Variants in THSD4 observed in about 807,000 individuals in gnomAD.
The protein encoded by THSD4 is thrombospondin type-1 domain-containing protein 4.
In THSD4, 69 loss-of-function variants were observed where a neutral mutation model predicts 119.0. The ratio of observed to expected loss-of-function variants is 0.58; its 90% CI spans 0.48 to 0.71. THSD4 has a LOEUF of 0.71. Among genes scored for constraint, THSD4 ranks in the 30% least tolerant of loss-of-function variants. The pLI is 0.00. For synonymous variants in THSD4, 524 were observed against 540.4 expected, an observed-to-expected ratio of 0.97 and a Z score of 0.42; for missense variants, 1,393 against 1,391.1, an observed-to-expected ratio of 1.00 and a Z score of -0.02.
chr15:71,278,404 T>C (rs1226515982), intron 6 of THSD4, among the ~76,000 whole-genome samples: 1 of 152,166 alleles, frequency 6.6e-6, no homozygotes, highest in African/African-American at 2.4e-5. Flanking sequence ...CAGCTGGTCT[T>C]GAACTCCTAG....
At chr15:71,379,934 GAAT>G (rs1235454050) in intron 6 of THSD4, among the ~76,000 whole-genome samples, 1 of 152,014 alleles carries the variant, frequency 6.6e-6, no homozygotes, top group South Asian at 2.1e-4. Context: ...CTACATGGCT[GAAT>G]AATATTTATG....
intron 7 of THSD4, among the ~76,000 whole-genome samples, chr15:71,414,444 C>T (rs991103167): frequency 2.0e-5 from 3 of 152,170 alleles, no homozygotes; most frequent in Admixed American, 6.5e-5. Context: ...TGGGGAAGGG[C>T]CTGGGAATCC....
chr15:71,641,341 C>T (rs777741453), intron 7 of THSD4, among the ~76,000 whole-genome samples: 4 of 151,610 alleles, frequency 2.6e-5, no homozygotes, highest in East Asian at 3.9e-4. Context: ...TTCCAAGTGA[C>T]GAAGTTTCCA....
intron 7 of THSD4, among the ~76,000 whole-genome samples, chr15:71,612,320 C>A (rs544702045): frequency 6.6e-6 from 1 of 152,160 alleles, no homozygotes; most frequent in Admixed American, 6.5e-5. Flanking sequence ...AATCACCCCC[C>A]GGTGGGATTG....
At chr15:71,644,179 G>T (rs892929906) in intron 7 of THSD4, among the ~76,000 whole-genome samples, 1 of 152,142 alleles carries the variant, frequency 6.6e-6, no homozygotes, top group East Asian at 1.9e-4. Flanking sequence ...AACTGATTGT[G>T]GTTAAACCAG....
intron 7 of THSD4, among the ~76,000 whole-genome samples, chr15:71,446,943 C>T (rs2047190459): frequency 1.3e-5 from 2 of 152,010 alleles, no homozygotes; most frequent in African/African-American, 2.4e-5. Flanking sequence ...GAGTCTCATG[C>T]TCATCTGTAG....
rs114947149 is a variant in THSD4 at position 71,594,707 on chromosome 15, A to G, written c.1153-65823A>G. 9.2e-3 allele frequency among the ~76,000 whole-genome samples: 1,407 copies of G among 152,314 alleles called. 35 individuals are homozygous for G. Among genetic ancestry groups the G allele is most frequent in the South Asian group, 0.054 (263 of 4,830 alleles). On this transcript the variant is annotated intron_variant, in intron 7 of 17. Coordinates refer to ENST00000261862, the MANE Select transcript of THSD4 (RefSeq NM_024817.3). ...TGGTGCTCAGACCTCCATGTATCGA[A>G]CAAGCATTAACCCATTTCCTACCCC...
At chr15:71,247,778 A>G (rs2044218626) in intron 5 of THSD4, among the ~76,000 whole-genome samples, 1 of 152,228 alleles carries the variant, frequency 6.6e-6, no homozygotes, top group Non-Finnish European at 1.5e-5. Context: ...GCAGCCCTGC[A>G]CTTTCTTGAT....
intron 3 of THSD4, among the ~76,000 whole-genome samples, chr15:71,196,485 G>A (rs909213891): frequency 6.6e-5 from 10 of 152,120 alleles, no homozygotes; most frequent in Admixed American, 5.2e-4. Context: ...CTCGATAACT[G>A]ACCAGGTTGG....
At chr15:71,315,645 C>T (rs1288798119) in intron 6 of THSD4, among the ~76,000 whole-genome samples, 1 of 152,204 alleles carries the variant, frequency 6.6e-6, no homozygotes, top group Non-Finnish European at 1.5e-5. Context: ...ATTACTGTTA[C>T]TGAGGTGGCG....
intron 3 of THSD4, among the ~76,000 whole-genome samples, chr15:71,202,839 A>T (rs577895674): frequency 6.6e-6 from 1 of 152,262 alleles, no homozygotes; most frequent in African/African-American, 2.4e-5. Context: ...CTGAGTTTGA[A>T]TTCTGGCAGC....
At chr15:71,542,794 G>A (rs987341007) in intron 7 of THSD4, among the ~76,000 whole-genome samples, 5 of 151,546 alleles carry the variant, frequency 3.3e-5, no homozygotes, top group Non-Finnish European at 5.9e-5. Flanking sequence ...GGAGAATGGC[G>A]TGAACCCGGG....
At chr15:71,158,571 A>G (rs1033489288) in intron 3 of THSD4, among the ~76,000 whole-genome samples, 1 of 151,240 alleles carries the variant, frequency 6.6e-6, no homozygotes, top group Non-Finnish European at 1.5e-5. Flanking sequence ...ATTTCAAAAT[A>G]TATTTTTTGG....
chr15:71,199,783 G>GT (rs2043772822), intron 3 of THSD4, among the ~76,000 whole-genome samples: 99 of 98,016 alleles, frequency 1.0e-3, no homozygotes, highest in African/African-American at 2.2e-3. Context: ...GTGGTGTGTG[G>GT]GTGTGTGCTG....
At chr15:71,557,366 A>C in intron 7 of THSD4, among the ~76,000 whole-genome samples, 1 of 152,108 alleles carries the variant, frequency 6.6e-6, no homozygotes, top group Non-Finnish European at 1.5e-5. Flanking sequence ...TATTAAATTA[A>C]TTTTATAACA....
intron 6 of THSD4, among the ~76,000 whole-genome samples, chr15:71,386,647 C>T (rs1008828231): frequency 7.2e-5 from 11 of 152,156 alleles, no homozygotes; most frequent in African/African-American, 2.7e-4. Flanking sequence ...GATGTTACCA[C>T]GTGAAAGAGA....
At chr15:71,508,834 TA>T (rs138678316) in intron 7 of THSD4, among the ~76,000 whole-genome samples, 18,066 of 152,158 alleles carry the variant, frequency 0.12, 1,352 homozygotes, top group Middle Eastern at 0.28. Flanking sequence ...TAAGTTTTAA[TA>T]GCTACCTAAA....
At chr15:71,200,646 A>G (rs1317610182) in intron 3 of THSD4, among the ~76,000 whole-genome samples, 4 of 152,226 alleles carry the variant, frequency 2.6e-5, no homozygotes, top group Admixed American at 1.3e-4. Context: ...TACTTGCAGT[A>G]ACCAAATAGT....
At chr15:71,202,313 C>T (rs1489131381) in intron 3 of THSD4, among the ~76,000 whole-genome samples, 1 of 152,116 alleles carries the variant, frequency 6.6e-6, no homozygotes, top group African/African-American at 2.4e-5. Context: ...CCTTGAAAGT[C>T]GTTGTTTAGG....
Sources: gnomAD v4.1 joint callset for allele counts (sites outside exome capture counted in the v4.1 genomes callset) on GRCh38, gnomAD v4.1.1 for gene constraint, MANE v1.5 for transcripts, NCBI Gene and HGNC (gene_info 2026-07-23, HGNC 2026-07-21) for gene names.